XKR4: variants seen among roughly 807,000 people sequenced by gnomAD.
XKR4 encodes the protein XK-related protein 4.
Under a neutral mutation model 53.9 loss-of-function variants are expected in XKR4, and 12 were observed. The ratio of observed to expected loss-of-function variants is 0.22; its 90% CI spans 0.14 to 0.36. XKR4 has a LOEUF of 0.36. XKR4 is among the 10% of genes least tolerant of loss of function. XKR4 has a pLI of 1.00. For synonymous variants in XKR4, 354 were observed against 362.4 expected (o/e 0.98, Z 0.26); for missense variants, 799 against 859.5 (o/e 0.93, Z 0.88).
chr8:55,476,992 G>T (rs1473320697), intron 2 of XKR4, among the ~76,000 whole-genome samples: 1 of 152,128 alleles, frequency 6.6e-6, no homozygotes, highest in African/African-American at 2.4e-5. Context: ...CAAAAAGACA[G>T]CAGTAACCTC....
At chr8:55,449,541 C>G in intron 2 of XKR4, 3 of 1,480,036 alleles carry the variant, frequency 2.0e-6, no homozygotes, top group Non-Finnish European at 2.8e-6. Context: ...TGGATCCGGT[C>G]CACCCACTGC....
At chr8:55,441,064 C>CA (rs10598855) in intron 2 of XKR4, among the ~76,000 whole-genome samples, 2,671 of 119,012 alleles carry the variant, frequency 0.022, 119 homozygotes, top group East Asian at 0.11. Flanking sequence ...CTCATCTCTA[C>CA]AAAAAAAAAA....
At chr8:55,137,425 TA>T (rs2129353785) in intron 1 of XKR4, among the ~76,000 whole-genome samples, 1 of 152,288 alleles carries the variant, frequency 6.6e-6, no homozygotes, top group Admixed American at 6.5e-5. Flanking sequence ...AAGAGGAATC[TA>T]AAGAATAGCA....
At chr8:55,497,713 C>G (rs894630971) in intron 2 of XKR4, among the ~76,000 whole-genome samples, 1 of 152,174 alleles carries the variant, frequency 6.6e-6, no homozygotes, top group East Asian at 1.9e-4. Context: ...CTATTTCGAG[C>G]CTGCTGGATT....
At chr8:55,164,017 TGCACACACATCCCTC>T in intron 1 of XKR4, 1 of 319,606 alleles carries the variant, frequency 3.1e-6, no homozygotes, top group South Asian at 2.6e-5. Context: ...AAAAAATATT[TGCACACACATCCCTC>T]GCACACATGC....
At chr8:55,397,611 C>A (rs1230846417) in intron 2 of XKR4, among the ~76,000 whole-genome samples, 5 of 150,548 alleles carry the variant, frequency 3.3e-5, no homozygotes, top group African/African-American at 9.8e-5. Context: ...GGAACTACTT[C>A]CTGCCACTGC....
At chr8:55,218,427 C>T (rs1248148596) in intron 1 of XKR4, among the ~76,000 whole-genome samples, 2 of 152,208 alleles carry the variant, frequency 1.3e-5, no homozygotes, top group East Asian at 3.9e-4. Context: ...GAGGGTTATC[C>T]ACATATCAGA....
In XKR4 at chr8:55,530,577, A is replaced by G. The variant is rs1452857256; in HGVS notation, c.*6350A>G. The stretch of plus-strand genomic sequence containing the variant: ...TGTGTTGTTTGAACTGATACTAAAA[A>G]GGTAGCTGATAATAAACCAAAAATT... On this transcript the variant is annotated 3_prime_UTR_variant, in exon 3 of 3. Transcript: ENST00000327381. 1 of 152,218 alleles carries G rather than the reference A, an allele frequency of 6.6e-6. No individual in the cohort carries two copies. Among genetic ancestry groups the G allele is most frequent in the Non-Finnish European group, 1.5e-5 (1 of 68,034 alleles). The allele number at this position is 152,218 out of a possible 1,614,324, so 9.4% of individuals were successfully genotyped here. A position where few individuals can be genotyped will look rare whatever the true frequency, so the allele number is the denominator to read the frequency against.
rs751152509 is a variant in XKR4, at chr8:55,443,530, T to TAAAAAAAAAAAA, written c.1007-79736_1007-79725dup. ...TTTGTAGATTTATAATCAGTTACAT[T>TAAAAAAAAAAAA]AAAAAAAAAAAAAAAAAAAAAAAAA... On this transcript the variant is annotated intron_variant, in intron 2 of 2. Transcript: ENST00000327381. Among the ~76,000 whole-genome samples, 14 of 74,012 alleles carry TAAAAAAAAAAAA rather than the reference T, an allele frequency of 1.9e-4. 3 individuals are homozygous for TAAAAAAAAAAAA. Among genetic ancestry groups the TAAAAAAAAAAAA allele is most frequent in the African/African-American group, 5.0e-4 (8 of 15,952 alleles). The allele number at this position is 74,012 out of a possible 152,430, so 48.6% of individuals were successfully genotyped here.
chr8:55,530,066 C>A lies in XKR4; in HGVS notation c.*5839C>A, dbSNP rs1011970449. ...TTAAGCAGACTGAAAAAAAACTAAA[C>A]CCCATTACTTACTTTGGCATTTTGA... is the stretch of plus-strand genomic sequence containing the variant. On this transcript the variant is annotated 3_prime_UTR_variant, in exon 3 of 3. Coordinates refer to ENST00000327381, the MANE Select transcript of XKR4 (RefSeq NM_052898.2). 1.0e-4 allele frequency: 15 copies of A among 150,296 alleles called. No individual in the cohort carries two copies. Among genetic ancestry groups the A allele is most frequent in the African/African-American group, 3.7e-4 (15 of 40,694 alleles). 9.3% of individuals were successfully genotyped at this position (150,296 alleles called of 1,614,324 possible).
chr8:55,315,022 G>C (rs1243574098), intron 1 of XKR4, among the ~76,000 whole-genome samples: 1 of 152,196 alleles, frequency 6.6e-6, no homozygotes, highest in Non-Finnish European at 1.5e-5. Flanking sequence ...TGATTTCACG[G>C]TGTCATTTTC....
intron 1 of XKR4, among the ~76,000 whole-genome samples, chr8:55,154,371 T>A (rs944015545): frequency 4.6e-5 from 7 of 152,212 alleles, no homozygotes; most frequent in South Asian, 4.1e-4. Context: ...GCTTTCCATA[T>A]AATATCAATC....
At chr8:55,382,605 T>G (rs1804252038) in intron 2 of XKR4, among the ~76,000 whole-genome samples, 1 of 152,188 alleles carries the variant, frequency 6.6e-6, no homozygotes, top group Non-Finnish European at 1.5e-5. Context: ...AACTAGGTAT[T>G]AATTCTATTG....
chr8:55,411,492 T>C (rs770511761), intron 2 of XKR4, among the ~76,000 whole-genome samples: 3 of 152,184 alleles, frequency 2.0e-5, no homozygotes, highest in Non-Finnish European at 4.4e-5. Context: ...GGTGGTCAAA[T>C]CCAAGAACTC....
At chr8:55,235,819 C>G (rs1818112880) in intron 1 of XKR4, among the ~76,000 whole-genome samples, 1 of 152,202 alleles carries the variant, frequency 6.6e-6, no homozygotes, top group African/African-American at 2.4e-5. Context: ...AAGCCCATGA[C>G]TGCTGGGTGC....
rs550995817 is a variant in XKR4, at chr8:55,272,409, G to A, written c.807-85269G>A. Among the ~76,000 whole-genome samples the A allele has an allele frequency of 7.2e-5, 11 of 152,262 alleles. No individual in the cohort carries two copies. In the South Asian group the frequency reaches 2.3e-3, roughly 32 times the overall value. On this transcript the variant is annotated intron_variant, in intron 1 of 2. Transcript: ENST00000327381. ...GTCATGAGATAGCCCCATAAAAACAGCCATGGCAAAAGAAAGGTGTTCAAC... is the reference window on the plus strand; with the variant it reads ...GTCATGAGATAGCCCCATAAAAACAACCATGGCAAAAGAAAGGTGTTCAAC...
intron 2 of XKR4, among the ~76,000 whole-genome samples, chr8:55,378,276 A>G (rs1804178651): frequency 6.6e-6 from 1 of 152,242 alleles, no homozygotes; most frequent in South Asian, 2.1e-4. Flanking sequence ...GCAAGTTCTT[A>G]ATGGTCAGAG....
At chr8:55,237,162 C>G (rs962062719) in intron 1 of XKR4, among the ~76,000 whole-genome samples, 1 of 152,180 alleles carries the variant, frequency 6.6e-6, no homozygotes, top group East Asian at 1.9e-4. Context: ...CACTCTCCTT[C>G]GCGGAGATGA....
At chr8:55,417,307 G>GTTTTT (rs371474568) in intron 2 of XKR4, among the ~76,000 whole-genome samples, 49 of 152,200 alleles carry the variant, frequency 3.2e-4, no homozygotes, top group Non-Finnish European at 3.5e-4. Context: ...TAGGAGAGAA[G>GTTTTT]TTTTTCTTTT....
Sources: allele counts gnomAD v4.1 joint callset (sites outside exome capture counted in the v4.1 genomes callset), GRCh38; gene constraint gnomAD v4.1.1; transcripts MANE v1.5; gene names NCBI Gene and HGNC (gene_info 2026-07-23, HGNC 2026-07-21).